The following CDH13 variants were observed in gnomAD, a reference collection of about 807,000 sequenced individuals.
The protein encoded by CDH13 is cadherin-13.
A neutral mutation model predicts 63.8 loss-of-function variants in CDH13; 24 were observed. The ratio of observed to expected loss-of-function variants is 0.38; its 90% CI spans 0.27 to 0.53. CDH13 has a LOEUF of 0.53. Among genes scored for constraint, CDH13 ranks in the 20% least tolerant of loss-of-function variants. CDH13 has a pLI of 0.85. For synonymous variants in CDH13, 503 were observed against 355.3 expected (o/e 1.42, Z -4.67); for missense variants, 1,049 against 903.1 (o/e 1.16, Z -2.07).
At chr16:83,198,396 C>G (rs895066888) in intron 4 of CDH13, among the ~76,000 whole-genome samples, 1 of 151,886 alleles carries the variant, frequency 6.6e-6, no homozygotes, top group African/African-American at 2.4e-5. Context: ...ACTAAGCATC[C>G]AAAGCTCGAC....
chr16:82,819,755 A>G (rs1256780857), intron 1 of CDH13, among the ~76,000 whole-genome samples: 1 of 152,226 alleles, frequency 6.6e-6, no homozygotes, highest in African/African-American at 2.4e-5. Flanking sequence ...TTTTCCAGGC[A>G]GTTTTTAGGC....
intron 2 of CDH13, among the ~76,000 whole-genome samples, chr16:82,944,829 A>G (rs909466523): frequency 5.3e-5 from 8 of 152,208 alleles, no homozygotes; most frequent in Admixed American, 4.6e-4. Context: ...CTATCTATCT[A>G]TTTACAACTT....
Position 83,787,130 on chromosome 16 carries a change from C to T in CDH13, c.2134+3658C>T, listed in dbSNP as rs73247436. 4.9e-3 allele frequency among the ~76,000 whole-genome samples: 743 copies of T among 152,264 alleles called. 3 individuals are homozygous for T. The highest frequency in any genetic ancestry group is 0.017 in the African/African-American group (709 of 41,544). Reference sequence around the variant, plus strand: ...TATTTTGTGCAGTTTGTAAAACCTCCTGTAATTCATATTATATTGGGCATA... The same window carrying T: ...TATTTTGTGCAGTTTGTAAAACCTCTTGTAATTCATATTATATTGGGCATA... On this transcript the variant is annotated intron_variant, in intron 13 of 13. Coordinates refer to ENST00000567109, the MANE Select transcript of CDH13 (RefSeq NM_001257.5).
intron 2 of CDH13, among the ~76,000 whole-genome samples, chr16:83,017,145 A>G (rs1191992390): frequency 6.6e-6 from 1 of 152,210 alleles, no homozygotes; most frequent in Non-Finnish European, 1.5e-5. Flanking sequence ...GTTCTTGACT[A>G]TCTTTAATGG....
rs374264426 is a variant in CDH13, at chr16:82,942,256, C to T, written c.157+83783C>T. ...GATGTATGATTTTTCCAGTTGCTGC[C>T]GCAAAATGTATTGAGAAGATCACCC... On this transcript the variant is annotated intron_variant, in intron 2 of 13. Transcript: ENST00000567109. Among the ~76,000 whole-genome samples, 189 of 152,166 alleles carry T rather than the reference C, an allele frequency of 1.2e-3. 3 individuals are homozygous for T. The South Asian group carries it at 0.024, about 19-fold the overall frequency.
intron 11 of CDH13, among the ~76,000 whole-genome samples, chr16:83,749,816 A>G (rs1912928584): frequency 6.6e-6 from 1 of 152,206 alleles, no homozygotes; most frequent in Non-Finnish European, 1.5e-5. Context: ...AGCTAAGCCC[A>G]GAGAAGCCCC....
chr16:83,759,005 C>G (rs1284917922), intron 11 of CDH13, among the ~76,000 whole-genome samples: 1 of 152,190 alleles, frequency 6.6e-6, no homozygotes, highest in Non-Finnish European at 1.5e-5. Context: ...TGCAAAGTCC[C>G]AATCCCAGCA....
intron 6 of CDH13, among the ~76,000 whole-genome samples, chr16:83,458,155 C>G (rs766149104): frequency 6.6e-5 from 10 of 152,194 alleles, no homozygotes; most frequent in Non-Finnish European, 1.0e-4. Context: ...ACGTCTCTGT[C>G]TTCCTGTGCC....
intron 6 of CDH13, among the ~76,000 whole-genome samples, chr16:83,346,048 C>G (rs1024786210): frequency 6.6e-6 from 1 of 152,156 alleles, no homozygotes; most frequent in African/African-American, 2.4e-5. Context: ...AACCTCCCGT[C>G]AGCTTCAAGG....
chr16:82,807,873 G>T (rs562606545), intron 1 of CDH13, among the ~76,000 whole-genome samples: 1 of 152,250 alleles, frequency 6.6e-6, no homozygotes, highest in South Asian at 2.1e-4. Context: ...CCATACTTAA[G>T]ACACAATTCT....
chr16:82,999,717 T>C (rs1258050331), intron 2 of CDH13, among the ~76,000 whole-genome samples: 3 of 152,158 alleles, frequency 2.0e-5, no homozygotes, highest in Non-Finnish European at 4.4e-5. Context: ...GTTTGCACTA[T>C]ATATTCCGAA....
At chr16:83,484,950 C>T (rs767896190) in intron 6 of CDH13, among the ~76,000 whole-genome samples, 56 of 152,332 alleles carry the variant, frequency 3.7e-4, no homozygotes, top group Middle Eastern at 6.8e-3. Flanking sequence ...CATGTTGTTC[C>T]TGCTGCCATC....
At chr16:82,727,985 T>C (rs1265079805) in intron 1 of CDH13, among the ~76,000 whole-genome samples, 1 of 152,168 alleles carries the variant, frequency 6.6e-6, no homozygotes, top group Non-Finnish European at 1.5e-5. Context: ...GAATCTTCCC[T>C]TCGTATCTCA....
intron 10 of CDH13, among the ~76,000 whole-genome samples, chr16:83,696,956 C>G (rs911980923): frequency 1.3e-5 from 2 of 152,206 alleles, no homozygotes; most frequent in Non-Finnish European, 2.9e-5. Context: ...TGGCTGGCCT[C>G]GGTGCTGAGC....
At chr16:83,489,245 C>T (rs754012358) in intron 7 of CDH13, among the ~76,000 whole-genome samples, 2 of 152,168 alleles carry the variant, frequency 1.3e-5, no homozygotes, top group Non-Finnish European at 2.9e-5. Context: ...GTTTCCAGCT[C>T]ATGATCTTTT....
intron 6 of CDH13, among the ~76,000 whole-genome samples, chr16:83,460,995 G>GCGCA (rs149482097): frequency 1.6e-4 from 24 of 147,908 alleles, no homozygotes; most frequent in East Asian, 1.2e-3. Context: ...ACACACACAC[G>GCGCA]CACACACACA....
At chr16:83,454,221 C>A (rs967054550) in intron 6 of CDH13, among the ~76,000 whole-genome samples, 3 of 152,150 alleles carry the variant, frequency 2.0e-5, no homozygotes, top group East Asian at 3.8e-4. Flanking sequence ...AAAGATTAAC[C>A]AGAAGACGTC....
intron 3 of CDH13, among the ~76,000 whole-genome samples, chr16:83,089,389 A>G (rs1017194442): frequency 6.6e-6 from 1 of 152,218 alleles, no homozygotes; most frequent in Admixed American, 6.5e-5. Context: ...GGCAGGCACT[A>G]TTCTATCCAT....
intron 2 of CDH13, among the ~76,000 whole-genome samples, chr16:82,941,091 A>G (rs139740441): frequency 6.6e-6 from 1 of 152,294 alleles, no homozygotes; most frequent in Non-Finnish European, 1.5e-5. Flanking sequence ...CACCAGTAAA[A>G]TGAGAGATTG....
Sources: gnomAD v4.1 joint callset for allele counts (sites outside exome capture counted in the v4.1 genomes callset) on GRCh38, gnomAD v4.1.1 for gene constraint, MANE v1.5 for transcripts, NCBI Gene and HGNC (gene_info 2026-07-23, HGNC 2026-07-21) for gene names.